FBXO46: variants seen among roughly 807,000 people sequenced by gnomAD.
FBXO46 encodes F-box protein 46.
In FBXO46, 13 loss-of-function variants were observed where a neutral mutation model predicts 30.7. That is an observed-to-expected ratio of 0.42 (90% CI 0.28 to 0.67). FBXO46 has a LOEUF of 0.67. FBXO46 is among the 30% of genes least tolerant of loss of function. FBXO46 has a pLI of 0.21. For synonymous variants in FBXO46, 467 were observed against 385.8 expected (o/e 1.21, Z -2.47); for missense variants, 754 against 871.5 (o/e 0.87, Z 1.70).
At position 45,713,129 on chromosome 19, in the gene FBXO46, G is replaced by A; in HGVS notation, c.367C>T (p.His123Tyr). 6.2e-7 allele frequency: 1 copy of A among 1,612,958 alleles called. No individual in the cohort carries two copies. Among genetic ancestry groups the A allele is most frequent in the Non-Finnish European group, 8.5e-7 (1 of 1,179,576 alleles). The change falls in exon 2 of 2, where the codon CAC becomes TAC. Residue 123 changes from histidine (H) to tyrosine (Y), a missense_variant. His to Tyr is a moderately conservative substitution (Grantham distance 83). Around this residue, in one of 5 missense-constraint regions of FBXO46, gnomAD observed 39 missense variants for 56.5 expected, o/e 0.69. Coordinates refer to ENST00000317683, the MANE Select transcript of FBXO46 (RefSeq NM_001080469.2). This position sits in a 1 kb window ranked among gnomAD's most constrained non-coding sequence, Gnocchi z 4.7. The stretch of plus-strand genomic sequence containing the variant: ...GCCTTGGAGCTATCGCTGCCCCAGT[G>A]CCCCTTGACCTTCATGGAGCTGGCC... The part of the protein sequence containing the change: ...SRASSMKVKG[H>Y]WGSDSSKAKR...
chr19:45,727,029 G>A lies in FBXO46; in HGVS notation c.-79+3820C>T, dbSNP rs372598983. 5.3e-5 allele frequency among the ~76,000 whole-genome samples: 8 copies of A among 152,182 alleles called. No homozygotes were observed. The East Asian group carries it at 1.4e-3, about 26-fold the overall frequency. On this transcript the variant is annotated intron_variant, in intron 1 of 1. Coordinates refer to ENST00000317683, the MANE Select transcript of FBXO46 (RefSeq NM_001080469.2). ...CCCCAGCACTTTGGGAGGCCTAGGC[G>A]GGTGGATCACTTGAGGTCAGGAGTT...
rs1967965611 is a variant in FBXO46 at position 45,711,589 on chromosome 19, A to AG, written c.*94dup. The AG allele has an allele frequency of 1.1e-6, 1 of 938,850 alleles. No individual in the cohort carries two copies. Among genetic ancestry groups the AG allele is most frequent in the Non-Finnish European group, 1.7e-6 (1 of 602,078 alleles). 58.2% of individuals were successfully genotyped at this position (938,850 alleles called of 1,614,324 possible). ...GTGAGGGATCAATGCTGCCTGGAGT[A>AG]GGGGAATGGGCAGGCGGCCCAGTCC... On this transcript the variant is annotated 3_prime_UTR_variant, in exon 2 of 2. Transcript: ENST00000317683.
chr19:45,725,064 G>A (rs1355631096), intron 1 of FBXO46, among the ~76,000 whole-genome samples: 2 of 152,090 alleles, frequency 1.3e-5, no homozygotes, highest in African/African-American at 2.4e-5. Context: ...GCTTGAGGCT[G>A]CAGTAAGCTG....
Position 45,711,453 on chromosome 19 carries a change from A to AC in FBXO46, c.*230_*231insG, listed in dbSNP as rs779364368. 150 of 683,190 alleles carry AC rather than the reference A, an allele frequency of 2.2e-4. No individual in the cohort carries two copies. In the African/African-American group the frequency reaches 2.5e-3, roughly 12 times the overall value. 42.3% of individuals were successfully genotyped at this position (683,190 alleles called of 1,614,324 possible). On this transcript the variant is annotated 3_prime_UTR_variant, in exon 2 of 2. Transcript: ENST00000317683. ...AAGTGAGATGCTGATAAAAAAAAAA[A>AC]AAACACCCTTCTCAGAGGGTCCACG...
chr19:45,719,487 C>A (rs1048192541), intron 1 of FBXO46, among the ~76,000 whole-genome samples: 1 of 152,098 alleles, frequency 6.6e-6, no homozygotes, highest in Non-Finnish European at 1.5e-5. Flanking sequence ...CATAAACTTA[C>A]AAATGACAAG....
chr19:45,712,314 G>GCA lies in FBXO46; in HGVS notation c.1180_1181dup (p.Leu395AlafsTer2). ...GCGGTTCCTCCGGGCTGACCGTCAG[G>GCA]CACACAGTCTCCTCCTTCACGTTCT... On this transcript the variant is annotated frameshift_variant, in exon 2 of 2. Coordinates refer to ENST00000317683, the MANE Select transcript of FBXO46 (RefSeq NM_001080469.2). LOFTEE classifies it high-confidence loss of function. The surrounding 1 kb of genome is among the most constrained non-coding windows in gnomAD (Gnocchi z 8.8). 6.2e-7 allele frequency: 1 copy of GCA among 1,601,726 alleles called. No individual in the cohort carries two copies. The highest frequency in any genetic ancestry group is 8.5e-7 in the Non-Finnish European group (1 of 1,179,622).
At chr19:45,715,370 G>A (rs1968074723) in intron 1 of FBXO46, 2 of 152,186 alleles carry the variant, frequency 1.3e-5, no homozygotes, top group South Asian at 2.1e-4. Flanking sequence ...ATGCTCATTT[G>A]TTTATGGATG....
At chr19:45,714,423 T>C (rs1198862340) in intron 1 of FBXO46, 1 of 151,870 alleles carries the variant, frequency 6.6e-6, no homozygotes, top group Non-Finnish European at 1.5e-5. Flanking sequence ...ATTAAAGCTG[T>C]GTGTCCTCAG....
At chr19:45,723,777 A>G (rs1968204121) in intron 1 of FBXO46, among the ~76,000 whole-genome samples, 1 of 152,066 alleles carries the variant, frequency 6.6e-6, no homozygotes. Flanking sequence ...CTTCTGCTTC[A>G]GCCTCCCGAG....
Position 45,721,360 on chromosome 19 carries a change from A to G in FBXO46, c.-78-7787T>C, listed in dbSNP as rs1207872467. Among the ~76,000 whole-genome samples, 3 of 146,342 alleles carry G rather than the reference A, an allele frequency of 2.0e-5. No homozygotes were observed. The East Asian group carries it at 5.8e-4, about 28-fold the overall frequency. ...CCCTGGCTCAAAAACACCAAAACAG[A>G]AAGAAAGAATGGAAAAATAATGATA... On this transcript the variant is annotated intron_variant, in intron 1 of 1. Coordinates refer to ENST00000317683, the MANE Select transcript of FBXO46 (RefSeq NM_001080469.2).
rs1202095488 is a variant in FBXO46 at position 45,720,403 on chromosome 19, G to C, written c.-78-6830C>G. Among the ~76,000 whole-genome samples the C allele has an allele frequency of 2.6e-5, 4 of 152,132 alleles. No individual in the cohort carries two copies. The East Asian group carries it at 7.7e-4, about 29-fold the overall frequency. Reference sequence around the variant, plus strand: ...CCACCTTGGCCTCCCAAAGTGTTGAGATTACAGGCGTGAGCCACTGCACCT... The same window carrying C: ...CCACCTTGGCCTCCCAAAGTGTTGACATTACAGGCGTGAGCCACTGCACCT... On this transcript the variant is annotated intron_variant, in intron 1 of 1. Coordinates refer to ENST00000317683, the MANE Select transcript of FBXO46 (RefSeq NM_001080469.2).
chr19:45,730,653 C>G (rs1218322275), intron 1 of FBXO46, among the ~76,000 whole-genome samples, 196 bp downstream of exon 1: 1 of 152,036 alleles, frequency 6.6e-6, no homozygotes, highest in Non-Finnish European at 1.5e-5. Flanking sequence ...TCCACTCCCA[C>G]CCCACCTCCA....
intron 1 of FBXO46, chr19:45,717,228 C>G (rs1376187564): frequency 1.3e-5 from 2 of 150,518 alleles, no homozygotes; most frequent in African/African-American, 4.9e-5. Flanking sequence ...CCTCAGGTGA[C>G]CCTCGAAACC....
Position 45,712,501 on chromosome 19 carries a change from T to C in FBXO46, c.995A>G (p.Glu332Gly), listed in dbSNP as rs750997443. ...TGCCGGGCTGTCACCCTCACTGGCCTCATCCGCCCTGGCCAGCAGGAACTC... is the reference window on the plus strand; with the variant it reads ...TGCCGGGCTGTCACCCTCACTGGCCCCATCCGCCCTGGCCAGCAGGAACTC... ...NVEFLLARAD[E>G]ASEGDSPAPA... Residue 332 changes from glutamate (E) to glycine (G), a missense_variant, in exon 2 of 2, where the codon GAG (glutamate) becomes GGG (glycine). By Grantham distance (98) the Glu-to-Gly change is moderately conservative. Around this residue, in one of 5 missense-constraint regions of FBXO46, gnomAD observed 454 missense variants for 426.5 expected, o/e 1.06. Coordinates refer to ENST00000317683, the MANE Select transcript of FBXO46 (RefSeq NM_001080469.2). This position sits in a 1 kb window ranked among gnomAD's most constrained non-coding sequence, Gnocchi z 8.8. 1.9e-6 allele frequency: 3 copies of C among 1,604,682 alleles called. No individual in the cohort carries two copies. The East Asian group carries it at 6.7e-5, about 36-fold the overall frequency.
chr19:45,732,610 T>TTTTTTTTTC (rs1568551429), upstream of FBXO46, among the ~76,000 whole-genome samples: 4 of 112,332 alleles, frequency 3.6e-5, no homozygotes, highest in Non-Finnish European at 6.8e-5. Context: ...TTTTTTTTTT[T>TTTTTTTTTC]TGAGACAGAG....
At chr19:45,717,906 G>A (rs1044694909) in intron 1 of FBXO46, among the ~76,000 whole-genome samples, 2 of 152,176 alleles carry the variant, frequency 1.3e-5, no homozygotes, top group Non-Finnish European at 2.9e-5. Context: ...CTCTAGGCCT[G>A]GCGTTCAAGG....
In FBXO46 at chr19:45,711,749, T is replaced by C; in HGVS notation, c.1747A>G (p.Asn583Asp). Residue 583 changes from asparagine (N) to aspartate (D), a missense_variant, in exon 2 of 2, where the codon AAC (asparagine) becomes GAC (aspartate). Around this residue, in one of 5 missense-constraint regions of FBXO46, gnomAD observed 162 missense variants for 258.7 expected, o/e 0.63. Transcript: ENST00000317683. The stretch of plus-strand genomic sequence containing the variant: ...CCATTGCAGGGCAGCACCCAGTTGT[T>C]ATCGTGGAGGCCCAGGCGGCAGCCG... ...TPGCRLGLHD[N>D]NWVLPCNGPG... is the part of the protein sequence containing the mutation. 6.4e-7 allele frequency: 1 copy of C among 1,567,250 alleles called. No individual in the cohort carries two copies.
chr19:45,711,254 G>A lies in FBXO46; in HGVS notation c.*430C>T, dbSNP rs1005407973. 15 of 427,312 alleles carry A rather than the reference G, an allele frequency of 3.5e-5. No individual in the cohort carries two copies. Among genetic ancestry groups the A allele is most frequent in the Admixed American group, 1.6e-4 (5 of 30,772 alleles). 26.5% of individuals were successfully genotyped at this position (427,312 alleles called of 1,614,324 possible). On this transcript the variant is annotated 3_prime_UTR_variant, in exon 2 of 2. Transcript: ENST00000317683. ...GAGAGGTGCCAACCTTGGGCGATGC[G>A]GCTTCTTGGGAAATAACAGCTCCAG...
rs1968035251 is a variant in FBXO46 at position 45,713,472 on chromosome 19, G to A, written c.24C>T (p.Pro8=). The A allele has an allele frequency of 3.2e-6, 5 of 1,579,142 alleles. No homozygotes were observed. Among genetic ancestry groups the A allele is most frequent in the Non-Finnish European group, 4.3e-6 (5 of 1,158,012 alleles). ...AGGGCCGGGGGCACCATAGCTGGAA[G>A]GGCAGGAGGCTCCCACGGTCCATGC... MDRGSLL[P]FQLWCPRPFG... is the part of the protein sequence containing the mutation. Residue 8 remains proline (P), a synonymous_variant, in exon 2 of 2, where the codon CCC becomes CCT. Transcript: ENST00000317683. The surrounding 1 kb of genome is among the most constrained non-coding windows in gnomAD (Gnocchi z 4.7).
Sources: gnomAD v4.1 joint callset for allele counts (sites outside exome capture counted in the v4.1 genomes callset) on GRCh38, gnomAD v4.1.1 for gene constraint, gnomAD v4.1.1 regional missense constraint, Gnocchi (gnomAD v3.1) non-coding constraint, MANE v1.5 for transcripts, NCBI Gene and HGNC (gene_info 2026-07-23, HGNC 2026-07-21) for gene names.